DLC1: variants seen among roughly 807,000 people sequenced by gnomAD.
The protein encoded by DLC1 is rho GTPase-activating protein 7.
A neutral mutation model predicts 140.3 loss-of-function variants in DLC1; 54 were observed. The ratio of observed to expected loss-of-function variants is 0.38; its 90% CI spans 0.31 to 0.48. The LOEUF (loss-of-function observed/expected upper bound fraction) is 0.48. Ranked by LOEUF, DLC1 falls within the 20% of genes least tolerant of loss-of-function variation. DLC1 has a pLI of 0.96. For missense variants in DLC1, 2,536 were observed against 1,907.0 expected (o/e 1.33, Z -6.14); for synonymous variants, 986 against 728.1 (o/e 1.35, Z -5.70).
chr8:13,483,869 G>A (rs530072644), intron 2 of DLC1, among the ~76,000 whole-genome samples: 11 of 152,224 alleles, frequency 7.2e-5, no homozygotes, highest in Middle Eastern at 3.4e-3. Context: ...ATCACTTGAG[G>A]TCAGGAGTTC....
intron 2 of DLC1, among the ~76,000 whole-genome samples, chr8:13,413,256 A>ATTTTTTGTTTTTTTTTTTTTTTT (rs1837875836): frequency 1.2e-5 from 1 of 82,004 alleles, no homozygotes; most frequent in Non-Finnish European, 2.3e-5. Context: ...TTTTTTTGCG[A>ATTTTTTGTTTTTTTTTTTTTTTT]TTTTTTTTTT....
chr8:13,121,560 C>G (rs1821071808), intron 5 of DLC1, among the ~76,000 whole-genome samples: 1 of 151,936 alleles, frequency 6.6e-6, no homozygotes, highest in African/African-American at 2.4e-5. Context: ...CTTTTCTTTT[C>G]TTTTTTGAGA....
chr8:13,579,351 A>T (rs11786466), intron 1 of DLC1, among the ~76,000 whole-genome samples: 2 of 30,316 alleles, frequency 6.6e-5, no homozygotes, highest in African/African-American at 3.0e-4. Flanking sequence ...ATATATATAT[A>T]TATATATATA....
At chr8:13,327,432 G>T (rs1382080748) in intron 4 of DLC1, among the ~76,000 whole-genome samples, 4 of 151,128 alleles carry the variant, frequency 2.6e-5, no homozygotes, top group African/African-American at 7.3e-5. Context: ...ACTTATTAAA[G>T]CATAAAACAT....
chr8:13,236,335 T>C (rs1209476685), intron 5 of DLC1, among the ~76,000 whole-genome samples: 1 of 152,110 alleles, frequency 6.6e-6, no homozygotes, highest in Non-Finnish European at 1.5e-5. Flanking sequence ...TTCAAGTTGA[T>C]TATCTGACGT....
chr8:13,541,952 C>T (rs1322318859), intron 1 of DLC1, among the ~76,000 whole-genome samples: 4 of 152,198 alleles, frequency 2.6e-5, no homozygotes, highest in Admixed American at 2.6e-4. Context: ...TCTTACAACT[C>T]ACTGGATATA....
At chr8:13,193,741 T>C (rs1209858662) in intron 5 of DLC1, among the ~76,000 whole-genome samples, 2 of 152,186 alleles carry the variant, frequency 1.3e-5, no homozygotes, top group African/African-American at 2.4e-5. Context: ...GCTTAATTTT[T>C]GGTATCCCTT....
At chr8:13,207,553 A>T (rs1827729259) in intron 5 of DLC1, among the ~76,000 whole-genome samples, 2 of 152,178 alleles carry the variant, frequency 1.3e-5, no homozygotes, top group African/African-American at 2.4e-5. Flanking sequence ...AGAGAAAGAA[A>T]GTTTCTTTTG....
upstream of DLC1, among the ~76,000 whole-genome samples, chr8:13,518,939 G>C (rs1802679012): frequency 6.6e-6 from 1 of 151,738 alleles, no homozygotes; most frequent in Non-Finnish European, 1.5e-5. Flanking sequence ...TTTTCAGTAA[G>C]CTTTACATGT....
At chr8:13,330,355 C>T (rs909057384) in intron 4 of DLC1, among the ~76,000 whole-genome samples, 4 of 152,162 alleles carry the variant, frequency 2.6e-5, no homozygotes, top group Admixed American at 6.5e-5. Context: ...GGAACGTTAG[C>T]AAACTATGTA....
At position 13,086,324 on chromosome 8, in the gene DLC1, A is replaced by T; in HGVS notation, c.4432T>A (p.Ser1478Thr). Reference sequence around the variant, plus strand: ...ACTCTGCACATGTAGGTGAGTTTGGATTTTCCTGGCCCACAGGGTTCAATC... The same window carrying T: ...ACTCTGCACATGTAGGTGAGTTTGGTTTTTCCTGGCCCACAGGGTTCAATC... ...YLIEPCGPGKSKLTYMCRVDL... is the reference protein window; with the variant it reads ...YLIEPCGPGKTKLTYMCRVDL... Residue 1478 changes from serine to threonine, a missense_variant, in exon 17 of 18, where the codon TCC (serine) becomes ACC (threonine). Ser to Thr is a moderately conservative substitution (Grantham distance 58, BLOSUM62 1). Transcript: ENST00000276297. 6.2e-7 allele frequency: 1 copy of T among 1,614,210 alleles called. No individual in the cohort carries two copies.
intron 2 of DLC1, among the ~76,000 whole-genome samples, chr8:13,456,524 T>C (rs1799397435): frequency 6.6e-6 from 1 of 152,124 alleles, no homozygotes; most frequent in Admixed American, 6.5e-5. Context: ...CAGGGCTGGA[T>C]CCCAGCTCCC....
At chr8:13,546,752 T>C (rs7835779) in intron 1 of DLC1, among the ~76,000 whole-genome samples, 42,747 of 152,058 alleles carry the variant, frequency 0.28, 6,252 homozygotes, top group Admixed American at 0.3. Context: ...TAAATGGCTC[T>C]AAGCATTCTG....
chr8:13,542,795 T>G (rs1803528677), intron 1 of DLC1, among the ~76,000 whole-genome samples: 1 of 152,156 alleles, frequency 6.6e-6, no homozygotes, highest in Non-Finnish European at 1.5e-5. Flanking sequence ...AAATACGAAT[T>G]GAGTTTTTTA....
In DLC1 at chr8:13,299,288, T is replaced by TA. The variant is rs555838873; in HGVS notation, c.1348+5980dup. 3.8e-3 allele frequency among the ~76,000 whole-genome samples: 553 copies of TA among 147,176 alleles called. 1 individual carries two copies. The highest frequency in any genetic ancestry group is 0.013 in the African/African-American group (517 of 40,166). On this transcript the variant is annotated intron_variant, in intron 5 of 17. Transcript: ENST00000276297. ...TGAAACCCCATCTCTACTAAAAATA[T>TA]AAAAAAAAAATTAGCCAGGTGTGGT...
chr8:13,579,367 A>T (rs1225850409), intron 1 of DLC1, among the ~76,000 whole-genome samples: 11 of 52,320 alleles, frequency 2.1e-4, no homozygotes, highest in Non-Finnish European at 2.7e-4. Flanking sequence ...ATATATTTTT[A>T]TATAATACAT....
intron 5 of DLC1, among the ~76,000 whole-genome samples, chr8:13,290,281 C>A (rs796251840): frequency 1.2e-4 from 18 of 152,184 alleles, no homozygotes; most frequent in African/African-American, 3.9e-4. Context: ...AACCAGTGGT[C>A]TTCAAACTTA....
intron 7 of DLC1, among the ~76,000 whole-genome samples, 195 bp from the exon 8 acceptor site, chr8:13,103,048 C>T (rs932888587): frequency 1.6e-4 from 25 of 152,236 alleles, no homozygotes; most frequent in South Asian, 4.1e-4. Flanking sequence ...TGGTGGCTCA[C>T]GCCTGTAATC....
chr8:13,188,777 ATGTGTGTGTGTG>A (rs201849073), intron 5 of DLC1, among the ~76,000 whole-genome samples: 1 of 108,866 alleles, frequency 9.2e-6, no homozygotes, highest in Non-Finnish European at 1.8e-5. Flanking sequence ...TGCCCAGCTA[ATGTGTGTGTGTG>A]TGTGTGTGTG....
Sources: gnomAD v4.1 joint callset for allele counts (sites outside exome capture counted in the v4.1 genomes callset) on GRCh38, gnomAD v4.1.1 for gene constraint, MANE v1.5 for transcripts, NCBI Gene and HGNC (gene_info 2026-07-23, HGNC 2026-07-21) for gene names.